The following HDAC9 variants were observed in gnomAD, a reference collection of about 807,000 sequenced individuals.
The protein encoded by HDAC9 is MEF-2 interacting transcription repressor (MITR) protein.
Under a neutral mutation model 139.4 loss-of-function variants are expected in HDAC9, and 41 were observed. The observed-to-expected ratio is 0.29, with a 90% CI of 0.23 to 0.38. The LOEUF (loss-of-function observed/expected upper bound fraction) is 0.38. Among genes scored for constraint, HDAC9 ranks in the 10% least tolerant of loss-of-function variants. The probability of loss-of-function intolerance (pLI) is 1.00; values close to 1 mark genes in which losing one functional copy is unlikely to be tolerated. For missense variants in HDAC9, 1,147 were observed against 1,297.0 expected (o/e 0.88, Z 1.78); for synonymous variants, 517 against 476.2 (o/e 1.09, Z -1.12).
chr7:18,666,706 C>A, intron 12 of HDAC9: 1 of 1,305,860 alleles, frequency 7.7e-7, no homozygotes, highest in Non-Finnish European at 9.8e-7. Context: ...TGAAAATCCA[C>A]TGGTAAGGAA....
At chr7:18,534,450 G>C (rs964341621) in intron 2 of HDAC9, among the ~76,000 whole-genome samples, 2 of 152,188 alleles carry the variant, frequency 1.3e-5, no homozygotes, top group Admixed American at 6.5e-5. Context: ...TGGAGGCTGA[G>C]GCAGGAGGAT....
chr7:18,853,037 G>A (rs1330848024), intron 21 of HDAC9, among the ~76,000 whole-genome samples: 1 of 152,102 alleles, frequency 6.6e-6, no homozygotes, highest in Non-Finnish European at 1.5e-5. Context: ...TGGTGTGAAG[G>A]GTCTTCACCT....
In HDAC9 at chr7:18,554,258, C is replaced by T. The variant is rs140158078; in HGVS notation, c.23-31023C>T. On this transcript the variant is annotated intron_variant, in intron 2 of 25. Coordinates refer to ENST00000686413, the MANE Select transcript of HDAC9 (RefSeq NM_178425.4). The stretch of plus-strand genomic sequence containing the variant: ...AAAGGAATGATGCATACCATAAAAG[C>T]GAAGAAAAGACAGGAAAAAAAAAGG... Among the ~76,000 whole-genome samples, 227 of 146,568 alleles carry T rather than the reference C, an allele frequency of 1.5e-3. 1 individual carries two copies. The highest frequency in any genetic ancestry group is 0.011 in the South Asian group (51 of 4,664).
At chr7:18,737,708 TGTG>T (rs1787056133) in intron 13 of HDAC9, among the ~76,000 whole-genome samples, 1 of 152,192 alleles carries the variant, frequency 6.6e-6, no homozygotes, top group Admixed American at 6.5e-5. Flanking sequence ...ATAAGTGCGA[TGTG>T]GTGCTGAGAA....
intron 22 of HDAC9, among the ~76,000 whole-genome samples, chr7:18,876,290 G>C (rs1470799033): frequency 6.6e-6 from 1 of 152,040 alleles, no homozygotes; most frequent in Non-Finnish European, 1.5e-5. Flanking sequence ...TTCCATCTCA[G>C]AATCAGTTTG....
intron 21 of HDAC9, among the ~76,000 whole-genome samples, chr7:18,859,604 G>A (rs1303639565): frequency 6.6e-6 from 1 of 150,986 alleles, no homozygotes; most frequent in Non-Finnish European, 1.5e-5. Flanking sequence ...ACATCAAAAG[G>A]TAGAGTTAAC....
At position 18,975,872 on chromosome 7, in the gene HDAC9, T is replaced by G; in HGVS notation, c.3089T>G (p.Leu1030Trp). 1 of 1,613,894 alleles carries G rather than the reference T, an allele frequency of 6.2e-7. No homozygotes were observed. The highest frequency in any genetic ancestry group is 8.5e-7 in the Non-Finnish European group (1 of 1,179,844). The change falls in exon 25 of 26, where the codon TTG becomes TGG. Residue 1030 changes from leucine to tryptophan, a missense_variant. Physicochemically the swap from Leu to Trp is moderately conservative, Grantham distance 61. Coordinates refer to ENST00000686413, the MANE Select transcript of HDAC9 (RefSeq NM_178425.4). ...GGCTGTGCTCTGGCTGGTGCTCAGT[T>G]GCAAGAGGAGACAGAGACCGTTTCT... ...PRGCALAGAQ[L>W]QEETETVSAL...
intron 13 of HDAC9, among the ~76,000 whole-genome samples, chr7:18,741,738 C>A (rs2129142052): frequency 6.6e-6 from 1 of 152,244 alleles, no homozygotes; most frequent in East Asian, 1.9e-4. Flanking sequence ...ACATTGAAAC[C>A]TTCTGGAAAG....
intron 2 of HDAC9, among the ~76,000 whole-genome samples, chr7:18,212,781 G>T (rs1792037459): frequency 6.6e-6 from 1 of 152,188 alleles, no homozygotes; most frequent in Admixed American, 6.5e-5. Flanking sequence ...CATCTGTGCA[G>T]CTGGAGACTA....
At chr7:18,418,723 G>C (rs370024750) in intron 1 of HDAC9, among the ~76,000 whole-genome samples, 1 of 151,826 alleles carries the variant, frequency 6.6e-6, no homozygotes, top group Admixed American at 6.6e-5. Context: ...CTGATGAATC[G>C]TAAGAATTTT....
intron 6 of HDAC9, among the ~76,000 whole-genome samples, chr7:18,614,445 CT>C (rs1190247932): frequency 6.6e-6 from 1 of 152,114 alleles, no homozygotes; most frequent in Non-Finnish European, 1.5e-5. Flanking sequence ...CAAGTTCTGT[CT>C]TTTCCCCCAC....
intron 1 of HDAC9, among the ~76,000 whole-genome samples, chr7:18,408,662 C>T (rs191782771): frequency 2.4e-4 from 37 of 152,224 alleles, no homozygotes; most frequent in Non-Finnish European, 1.6e-4. Flanking sequence ...GTCATCCTAT[C>T]GGAATGTCCT....
intron 2 of HDAC9, among the ~76,000 whole-genome samples, chr7:18,194,972 G>GC (rs1251356445): frequency 2.0e-5 from 3 of 151,676 alleles, no homozygotes; most frequent in African/African-American, 7.3e-5. Flanking sequence ...GGTGTTCTTG[G>GC]CATTATAAGG....
At chr7:18,375,679 C>T (rs770880906) in intron 1 of HDAC9, among the ~76,000 whole-genome samples, 17 of 152,066 alleles carry the variant, frequency 1.1e-4, no homozygotes, top group Non-Finnish European at 1.9e-4. Flanking sequence ...GCCTAAAGCC[C>T]CAGTGTGGAG....
At chr7:18,331,681 T>C (rs1800934606) in intron 1 of HDAC9, among the ~76,000 whole-genome samples, 2 of 151,658 alleles carry the variant, frequency 1.3e-5, no homozygotes, top group South Asian at 4.1e-4. Flanking sequence ...AGGAAAAATA[T>C]ATTAGAATAA....
intron 6 of HDAC9, among the ~76,000 whole-genome samples, chr7:18,619,285 G>T (rs1389388814): frequency 6.6e-6 from 1 of 152,032 alleles, no homozygotes; most frequent in Non-Finnish European, 1.5e-5. Flanking sequence ...GGTAGTTGAG[G>T]TTCATCTAGT....
intron 21 of HDAC9, among the ~76,000 whole-genome samples, chr7:18,857,582 T>A (rs530167547): frequency 5.2e-4 from 79 of 151,968 alleles, no homozygotes; most frequent in African/African-American, 1.9e-3. Flanking sequence ...GAGAAAAAAA[T>A]CAATATCTGT....
chr7:18,963,784 T>A (rs1194296698), intron 24 of HDAC9, among the ~76,000 whole-genome samples: 1 of 152,200 alleles, frequency 6.6e-6, no homozygotes, highest in Non-Finnish European at 1.5e-5. Flanking sequence ...TCTGACGGGA[T>A]GGATACATCA....
chr7:18,448,843 T>A (rs1466687973), intron 1 of HDAC9, among the ~76,000 whole-genome samples: 1 of 152,126 alleles, frequency 6.6e-6, no homozygotes, highest in African/African-American at 2.4e-5. Flanking sequence ...TTTGATGTGT[T>A]GATAGTTCAA....
Sources: allele counts gnomAD v4.1 joint callset (sites outside exome capture counted in the v4.1 genomes callset), GRCh38; gene constraint gnomAD v4.1.1; transcripts MANE v1.5; gene names NCBI Gene and HGNC (gene_info 2026-07-23, HGNC 2026-07-21).